Variants in NRF1 observed in about 807,000 individuals in gnomAD.
NRF1 encodes alpha palindromic-binding protein.
In NRF1, 5 loss-of-function variants were observed where a neutral mutation model predicts 58.5. That is an observed-to-expected ratio of 0.09 (90% CI 0.04 to 0.18). The LOEUF (loss-of-function observed/expected upper bound fraction) is 0.18. NRF1 is among the 10% of genes least tolerant of loss of function. NRF1 has a pLI of 1.00. For missense variants in NRF1, 288 were observed against 657.7 expected (o/e 0.44, Z 6.15); for synonymous variants, 224 against 246.7 (o/e 0.91, Z 0.86).
chr7:129,706,451 G>A lies in NRF1; in HGVS notation c.607-2624G>A, dbSNP rs116044844. Among the ~76,000 whole-genome samples, 151 of 152,278 alleles carry A rather than the reference G, an allele frequency of 9.9e-4. 2 individuals carry two copies. Among genetic ancestry groups the A allele is most frequent in the African/African-American group, 3.3e-3 (137 of 41,554 alleles). On this transcript the variant is annotated intron_variant, in intron 5 of 10. Coordinates refer to ENST00000393232, the MANE Select transcript of NRF1 (RefSeq NM_005011.5). ...AGAAGAAGGGATAGACACCAGAGAC[G>A]TTTCAAAGAAAACAAAAGAACTGGA...
chr7:129,644,340 G>GGACAAAAC (rs1243483691), intron 1 of NRF1, among the ~76,000 whole-genome samples: 1 of 152,188 alleles, frequency 6.6e-6, no homozygotes, highest in Non-Finnish European at 1.5e-5. Context: ...TGTAGGGCAA[G>GGACAAAAC]GACAAAACGC....
In NRF1 at chr7:129,663,220, C is replaced by T. The variant is rs555417222; in HGVS notation, c.223+5646C>T. On this transcript the variant is annotated intron_variant, in intron 2 of 10. Transcript: ENST00000393232. ...TCCCCACATTTCCCCCTTTTCTTTT[C>T]GACAAAACCGCCATCGTCATCATGG... Among the ~76,000 whole-genome samples the T allele has an allele frequency of 5.5e-4, 83 of 152,202 alleles. No homozygotes were observed. In the Middle Eastern group the frequency reaches 0.014, roughly 25 times the overall value.
At chr7:129,623,943 T>G (rs1800860298) in intron 1 of NRF1, among the ~76,000 whole-genome samples, 2 of 152,166 alleles carry the variant, frequency 1.3e-5, no homozygotes. Context: ...AGTGCAAACT[T>G]TTTCTCTCTT....
intron 8 of NRF1, among the ~76,000 whole-genome samples, chr7:129,712,696 T>C (rs926836858): frequency 6.6e-6 from 1 of 152,216 alleles, no homozygotes; most frequent in East Asian, 1.9e-4. Flanking sequence ...TAAGGGATGC[T>C]GCAAAGCGTA....
intron 3 of NRF1, among the ~76,000 whole-genome samples, chr7:129,672,867 G>A (rs1802082727): frequency 6.6e-6 from 1 of 152,190 alleles, no homozygotes; most frequent in South Asian, 2.1e-4. Flanking sequence ...AGAGGCCTTA[G>A]CTGAAGATAT....
intron 5 of NRF1, among the ~76,000 whole-genome samples, chr7:129,696,070 A>AAC (rs1215427264): frequency 7.2e-6 from 1 of 138,802 alleles, no homozygotes; most frequent in Non-Finnish European, 1.6e-5. Context: ...TAAAAAAAAA[A>AAC]AAAAAAAAAA....
At chr7:129,694,480 T>A (rs1204316089) in intron 5 of NRF1, among the ~76,000 whole-genome samples, 1 of 152,154 alleles carries the variant, frequency 6.6e-6, no homozygotes, top group Non-Finnish European at 1.5e-5. Flanking sequence ...TTCTCCCACC[T>A]CAGCCTCCTG....
rs1169862864 is a variant in NRF1 at position 129,611,739 on chromosome 7, A to G, written c.-92A>G. 3.0e-6 allele frequency: 1 copy of G among 336,532 alleles called. No individual in the cohort carries two copies. The highest frequency in any genetic ancestry group is 2.1e-5 in the African/African-American group (1 of 46,816). The allele number at this position is 336,532 out of a possible 1,614,324, so 20.8% of individuals were successfully genotyped here. A position where few individuals can be genotyped will look rare whatever the true frequency, so the allele number is the denominator to read the frequency against. ...GGCGGCAGAAGCGGCAGCGCTCGCC[A>G]TTGCCGCTGGTGGCAGGAGGCTGCG... On this transcript the variant is annotated 5_prime_UTR_variant, in exon 1 of 11. Transcript: ENST00000393232.
At chr7:129,692,935 C>T (rs1380124354) in intron 5 of NRF1, among the ~76,000 whole-genome samples, 1 of 152,196 alleles carries the variant, frequency 6.6e-6, no homozygotes, top group African/African-American at 2.4e-5. Flanking sequence ...ATGAAGCTTT[C>T]TTCTCCCTAC....
At chr7:129,701,198 G>C (rs926806455) in intron 5 of NRF1, among the ~76,000 whole-genome samples, 6 of 152,052 alleles carry the variant, frequency 3.9e-5, no homozygotes, top group African/African-American at 1.4e-4. Context: ...GCAGTTCACA[G>C]AAAGGAAAAA....
At chr7:129,617,156 C>T (rs760750659) in intron 1 of NRF1, among the ~76,000 whole-genome samples, 2 of 152,172 alleles carry the variant, frequency 1.3e-5, no homozygotes, top group Non-Finnish European at 2.9e-5. Flanking sequence ...TTGGGATAAA[C>T]TATGCCAAGC....
intron 8 of NRF1, among the ~76,000 whole-genome samples, chr7:129,713,179 C>G (rs1409655832): frequency 6.6e-6 from 1 of 151,184 alleles, no homozygotes; most frequent in East Asian, 1.9e-4. Flanking sequence ...TCACTGCAAC[C>G]TCCGCCTCCC....
At chr7:129,731,397 G>C (rs4728177) in intron 10 of NRF1, among the ~76,000 whole-genome samples, 137,012 of 152,206 alleles carry the variant, frequency 0.9, 61,704 homozygotes, top group East Asian at 0.94. Context: ...TTCTGGACAT[G>C]TACCCCACAC....
intron 5 of NRF1, among the ~76,000 whole-genome samples, chr7:129,705,909 C>G (rs1802939013): frequency 6.6e-6 from 1 of 151,934 alleles, no homozygotes; most frequent in Admixed American, 6.6e-5. Flanking sequence ...CCACTGCACT[C>G]CAGCCTGGGC....
chr7:129,684,637 T>G (rs1251484629), intron 4 of NRF1, among the ~76,000 whole-genome samples: 1 of 152,188 alleles, frequency 6.6e-6, no homozygotes, highest in Non-Finnish European at 1.5e-5. Flanking sequence ...TCATTTATCA[T>G]TAATAATCAA....
intron 4 of NRF1, among the ~76,000 whole-genome samples, chr7:129,683,832 C>T (rs529033501): frequency 1.4e-4 from 22 of 151,902 alleles, no homozygotes; most frequent in Admixed American, 5.9e-4. Context: ...GAGGCTTCAC[C>T]ATGTTGGCCA....
intron 1 of NRF1, among the ~76,000 whole-genome samples, chr7:129,618,218 T>C (rs1800696150): frequency 6.6e-6 from 1 of 151,794 alleles, no homozygotes; most frequent in African/African-American, 2.4e-5. Context: ...GATGATGCCT[T>C]TAAGATAGGG....
chr7:129,635,242 TG>T (rs1213610613), intron 1 of NRF1, among the ~76,000 whole-genome samples: 2 of 152,210 alleles, frequency 1.3e-5, no homozygotes, highest in African/African-American at 4.8e-5. Flanking sequence ...TAATAAAACT[TG>T]CTTTCCTTTG....
intron 1 of NRF1, among the ~76,000 whole-genome samples, chr7:129,620,927 G>A (rs759892021): frequency 7.9e-5 from 12 of 152,082 alleles, no homozygotes; most frequent in Non-Finnish European, 1.8e-4. Flanking sequence ...TGAAAATACC[G>A]TTGATGGTTT....
Sources: allele counts gnomAD v4.1 joint callset (sites outside exome capture counted in the v4.1 genomes callset), GRCh38; gene constraint gnomAD v4.1.1; transcripts MANE v1.5; gene names NCBI Gene and HGNC (gene_info 2026-07-23, HGNC 2026-07-21).